The following MYO9A variants were observed in gnomAD, a reference collection of about 807,000 sequenced individuals.
MYO9A encodes the protein unconventional myosin-IXa.
Under a neutral mutation model 293.3 loss-of-function variants are expected in MYO9A, and 103 were observed. The ratio of observed to expected loss-of-function variants is 0.35; its 90% CI spans 0.30 to 0.41. The LOEUF (loss-of-function observed/expected upper bound fraction) is 0.41. Among genes scored for constraint, MYO9A ranks in the 10% least tolerant of loss-of-function variants. MYO9A has a pLI of 1.00. For synonymous variants in MYO9A, 1,001 were observed against 1,035.7 expected (o/e 0.97, Z 0.64); for missense variants, 2,685 against 3,033.0 (o/e 0.89, Z 2.69).
intron 8 of MYO9A, among the ~76,000 whole-genome samples, chr15:72,005,821 G>A (rs1339183107): frequency 2.0e-5 from 3 of 152,132 alleles, no homozygotes; most frequent in African/African-American, 4.8e-5. Context: ...ATTATGCTAC[G>A]TAGAAACAAA....
At chr15:72,043,540 A>G (rs542137447) in intron 2 of MYO9A, among the ~76,000 whole-genome samples, 1 of 152,338 alleles carries the variant, frequency 6.6e-6, no homozygotes, top group African/African-American at 2.4e-5. Context: ...ATGCAACAAC[A>G]TGGATAAATC....
At position 72,045,902 on chromosome 15, in the gene MYO9A, A is replaced by G. The variant is rs1452211532; in HGVS notation, c.662T>C (p.Val221Ala). ...LEPHIYAVAD[V>A]AYHAMLQRKK... Reference sequence around the variant, plus strand: ...GCGCTGAAGCATGGCATGATAAGCTACATCAGCCACAGCATAAATGTGGGG... The same window carrying G: ...GCGCTGAAGCATGGCATGATAAGCTGCATCAGCCACAGCATAAATGTGGGG... The change falls in exon 2 of 42, where the codon GTA becomes GCA. Residue 221 changes from valine (V) to alanine (A), a missense_variant. By Grantham distance (64) the Val-to-Ala change is moderately conservative. This residue lies in a region of MYO9A where 289 missense variants were observed against 456.8 expected (regional missense o/e 0.63). Transcript: ENST00000356056. The G allele has an allele frequency of 6.2e-7, 1 of 1,614,188 alleles. No homozygotes were observed. Among genetic ancestry groups the G allele is most frequent in the East Asian group, 2.2e-5 (1 of 44,872 alleles).
chr15:72,111,582 T>C (rs2080782726), intron 1 of MYO9A, among the ~76,000 whole-genome samples: 1 of 151,750 alleles, frequency 6.6e-6, no homozygotes, highest in African/African-American at 2.4e-5. Flanking sequence ...CTTGGTGCTT[T>C]ACATAAAAAT....
At position 72,021,065 on chromosome 15, in the gene MYO9A, T is replaced by A. The variant is rs145081847; in HGVS notation, c.999-48A>T. On this transcript the variant is annotated intron_variant, in intron 4 of 41. Transcript: ENST00000356056. The stretch of plus-strand genomic sequence containing the variant: ...AGTTTCATAATGTGTGACTTATGGT[T>A]ATCATTTAACAGGGGGAGGGGGGAA... The A allele has an allele frequency of 2.7e-5, 34 of 1,254,154 alleles. No individual in the cohort carries two copies. In the African/African-American group the frequency reaches 5.0e-4, roughly 18 times the overall value. The allele number at this position is 1,254,154 out of a possible 1,614,324, so 77.7% of individuals were successfully genotyped here.
At chr15:72,076,645 A>G (rs1253269377) in intron 1 of MYO9A, among the ~76,000 whole-genome samples, 1 of 152,244 alleles carries the variant, frequency 6.6e-6, no homozygotes, top group East Asian at 1.9e-4. Flanking sequence ...AGGAAGACTC[A>G]GTATTACTAA....
intron 15 of MYO9A, among the ~76,000 whole-genome samples, chr15:71,945,040 A>G (rs959201274): frequency 6.6e-6 from 1 of 152,172 alleles, no homozygotes; most frequent in African/African-American, 2.4e-5. Context: ...CAAGTATTTC[A>G]TGTTTCTGTT....
chr15:71,891,280 G>A (rs2057169609), intron 26 of MYO9A: 1 of 152,194 alleles, frequency 6.6e-6, no homozygotes, highest in Non-Finnish European at 1.5e-5. Flanking sequence ...GGTGAACAGA[G>A]GCTAGAACAC....
chr15:71,949,155 C>T (rs979878052), intron 15 of MYO9A, among the ~76,000 whole-genome samples: 3 of 152,020 alleles, frequency 2.0e-5, no homozygotes, highest in Non-Finnish European at 4.4e-5. Flanking sequence ...AGTTTTCCTT[C>T]GTATTTACCC....
chr15:71,878,845 T>A (rs2056782099), intron 30 of MYO9A, among the ~76,000 whole-genome samples: 1 of 150,398 alleles, frequency 6.6e-6, no homozygotes, highest in Non-Finnish European at 1.5e-5. Context: ...CTCAAGCTAT[T>A]GAATGGGTTC....
intron 18 of MYO9A, among the ~76,000 whole-genome samples, chr15:71,916,701 A>G (rs2058022110): frequency 6.6e-6 from 1 of 152,192 alleles, no homozygotes; most frequent in African/African-American, 2.4e-5. Context: ...ACACTTCACA[A>G]ACTCTCTTGC....
chr15:71,940,151 T>C (rs1261654294), intron 15 of MYO9A, among the ~76,000 whole-genome samples: 4 of 152,160 alleles, frequency 2.6e-5, no homozygotes, highest in African/African-American at 4.8e-5. Context: ...TATCTTTCTG[T>C]ATGAATGAGG....
chr15:72,099,556 C>T (rs891148995), intron 1 of MYO9A, among the ~76,000 whole-genome samples: 10 of 151,408 alleles, frequency 6.6e-5, no homozygotes, highest in African/African-American at 1.9e-4. Flanking sequence ...CAGCCGTGGT[C>T]ACATCACTGC....
At chr15:72,071,356 C>T (rs1441917237) in intron 1 of MYO9A, among the ~76,000 whole-genome samples, 1 of 152,084 alleles carries the variant, frequency 6.6e-6, no homozygotes, top group Non-Finnish European at 1.5e-5. Flanking sequence ...TCATCTCACA[C>T]CAGTCAGAAT....
chr15:72,027,637 C>T, intron 4 of MYO9A, 94 bp downstream of exon 4: 1 of 958,092 alleles, frequency 1.0e-6, no homozygotes, highest in South Asian at 1.7e-5. Flanking sequence ...ATGACGTAAA[C>T]TGAATTAAGG....
At chr15:72,107,092 A>G (rs911576363) in intron 1 of MYO9A, among the ~76,000 whole-genome samples, 3 of 152,178 alleles carry the variant, frequency 2.0e-5, no homozygotes, top group Non-Finnish European at 4.4e-5. Flanking sequence ...AACTAAAAGG[A>G]GGAGGAGGAA....
intron 11 of MYO9A, among the ~76,000 whole-genome samples, chr15:71,982,111 G>A (rs777130792): frequency 3.5e-5 from 5 of 142,578 alleles, no homozygotes; most frequent in South Asian, 2.3e-4. Context: ...GCTCCGCCTC[G>A]CGGGTTCACA....
At position 71,897,923 on chromosome 15, in the gene MYO9A, C is replaced by T. The variant is rs186584798; in HGVS notation, c.4580G>A (p.Arg1527His). 21 of 1,614,114 alleles carry T rather than the reference C, an allele frequency of 1.3e-5. No homozygotes were observed. Among genetic ancestry groups the T allele is most frequent in the East Asian group, 1.1e-4 (5 of 44,878 alleles). ...CTTTTCAATTGTCTTGAAGGCTTTG[C>T]GCTCCTTCTCTAAAATATCTGTTTG... is the stretch of plus-strand genomic sequence containing the variant. Reference protein sequence around the residue: ...RQQTDILEKERKAFKTIEKPR... With the variant: ...RQQTDILEKEHKAFKTIEKPR... Residue 1527 changes from arginine (R) to histidine (H), a missense_variant, in exon 25 of 42, where the codon CGC (arginine) becomes CAC (histidine). Physicochemically the swap from Arg to His is conservative, Grantham distance 29. Transcript: ENST00000356056.
chr15:72,078,577 G>A (rs2079442673), intron 1 of MYO9A, among the ~76,000 whole-genome samples: 1 of 152,052 alleles, frequency 6.6e-6, no homozygotes, highest in Admixed American at 6.5e-5. Context: ...TATTCAAGAG[G>A]CTGAGGTGGG....
intron 25 of MYO9A, among the ~76,000 whole-genome samples, chr15:71,894,265 C>T (rs1482907937): frequency 6.6e-6 from 1 of 152,178 alleles, no homozygotes; most frequent in Admixed American, 6.5e-5. Context: ...TTTTCATCCA[C>T]TGTCTTTGAG....
Sources: allele counts gnomAD v4.1 joint callset (sites outside exome capture counted in the v4.1 genomes callset), GRCh38; gene constraint gnomAD v4.1.1; regional missense constraint gnomAD v4.1.1; transcripts MANE v1.5; gene names NCBI Gene and HGNC (gene_info 2026-07-23, HGNC 2026-07-21).